Variants in MID1 observed in about 807,000 individuals in gnomAD.
MID1 encodes the protein E3 ubiquitin-protein ligase Midline-1.
In MID1, 7 loss-of-function variants were observed where a neutral mutation model predicts 40.4. The ratio of observed to expected loss-of-function variants is 0.17; its 90% CI spans 0.10 to 0.33. MID1 has a LOEUF of 0.33. Ranked by LOEUF, MID1 falls within the 10% of genes least tolerant of loss-of-function variation. MID1 has a pLI of 1.00. For synonymous variants in MID1, 229 were observed against 221.2 expected (o/e 1.04, Z -0.31); for missense variants, 367 against 558.5 (o/e 0.66, Z 3.46).
intron 9 of MID1, among the ~76,000 whole-genome samples, chrX:10,451,183 C>T (rs1362208256): frequency 8.9e-6 from 1 of 111,834 alleles, no homozygotes; most frequent in Non-Finnish European, 1.9e-5. Context: ...TCTTCCCTCC[C>T]GTCCATCCTC....
intron 1 of MID1, among the ~76,000 whole-genome samples, chrX:10,758,483 C>CGTTTT (rs2043650475): frequency 1.6e-5 from 1 of 63,873 alleles, no homozygotes; most frequent in African/African-American, 7.8e-5. Context: ...CTTTTCTTTC[C>CGTTTT]TTTTTTTTTT....
chrX:10,567,710 G>T lies in MID1; in HGVS notation c.-56-107C>A, dbSNP rs1488306295. ...AATTCCAAACACAGGTCATGAAAGGGTAAGTGTGTGTACATTCCAAATAAT... is the reference window on the plus strand; with the variant it reads ...AATTCCAAACACAGGTCATGAAAGGTTAAGTGTGTGTACATTCCAAATAAT... On this transcript the variant is annotated intron_variant, in intron 1 of 9. Transcript: ENST00000317552. 3.5e-5 allele frequency: 18 copies of T among 515,047 alleles called. No individual in the cohort carries two copies. In the East Asian group the frequency reaches 5.8e-4, roughly 17 times the overall value. The allele number at this position is 515,047 out of a possible 1,213,427, so 42.4% of individuals were successfully genotyped here.
intron 1 of MID1, among the ~76,000 whole-genome samples, chrX:10,827,306 A>G (rs775043308): frequency 1.8e-5 from 2 of 111,329 alleles, no homozygotes; most frequent in Non-Finnish European, 3.8e-5. Context: ...TCTCTTGATC[A>G]TAGTAGTTCT....
chrX:10,510,830 CAAAAAA>C lies in MID1; in HGVS notation c.756+12256_756+12261del, dbSNP rs1185825614. On this transcript the variant is annotated intron_variant, in intron 3 of 9. Transcript: ENST00000317552. The stretch of plus-strand genomic sequence containing the variant: ...CTGGCAACAGAGCAAGACTCTGTCT[CAAAAAA>C]AAAAAAAAAAAAAAAAAAGAAAATG... 3.3e-4 allele frequency among the ~76,000 whole-genome samples: 8 copies of C among 23,945 alleles called. No homozygotes were observed. The East Asian group carries it at 8.7e-3, about 26-fold the overall frequency. 20.8% of individuals were successfully genotyped at this position (23,945 alleles called of 115,157 possible).
At chrX:10,544,448 A>G (rs189312092) in intron 2 of MID1, among the ~76,000 whole-genome samples, 5 of 111,997 alleles carry the variant, frequency 4.5e-5, no homozygotes, top group Admixed American at 1.9e-4. Flanking sequence ...TGAGGAGGGG[A>G]AAAAAAAGCA....
At chrX:10,468,095 G>A (rs1462033174) in intron 7 of MID1, among the ~76,000 whole-genome samples, 1 of 112,063 alleles carries the variant, frequency 8.9e-6, no homozygotes, top group East Asian at 2.8e-4. Flanking sequence ...GACTCAGGCA[G>A]CTTGCCAGAG....
intron 2 of MID1, among the ~76,000 whole-genome samples, chrX:10,566,227 C>T (rs975410714): frequency 9.0e-6 from 1 of 111,633 alleles, no homozygotes; most frequent in African/African-American, 3.3e-5. Context: ...TGTAACCTTA[C>T]TGAATAAAGA....
At chrX:10,514,344 T>G (rs1932298348) in intron 3 of MID1, among the ~76,000 whole-genome samples, 1 of 112,389 alleles carries the variant, frequency 8.9e-6, no homozygotes, top group Admixed American at 9.4e-5. Flanking sequence ...TATTCATTTA[T>G]TCATAAGATT....
intron 1 of MID1, among the ~76,000 whole-genome samples, chrX:10,817,583 T>C (rs1189852475): frequency 9.5e-6 from 1 of 105,258 alleles, no homozygotes; most frequent in Non-Finnish European, 1.9e-5. Context: ...TCTCTTTCTT[T>C]CTTTCTCTCT....
rs183487331 is a variant in MID1, at chrX:10,448,141, T to C, written c.*1227A>G. 1.8e-5 allele frequency: 2 copies of C among 109,540 alleles called. No homozygotes were observed. The highest frequency in any genetic ancestry group is 4.6e-3 in the Middle Eastern group (1 of 216). The allele number at this position is 109,540 out of a possible 1,213,427, so 9.0% of individuals were successfully genotyped here. On this transcript the variant is annotated 3_prime_UTR_variant, in exon 10 of 10. Transcript: ENST00000317552. ...TTTTTTTTTTGGTCTTACAACTCTA[T>C]TGTAAACTATACTAGACTATAGAGG... is the stretch of plus-strand genomic sequence containing the variant.
chrX:10,590,144 C>G lies in MID1; in HGVS notation c.-56-22541G>C, dbSNP rs967656029. ...TCTTTCTATAATCTATAGATAACAT[C>G]AGTTGCTAGGTCAGGGGTGGAATTT... On this transcript the variant is annotated intron_variant, in intron 1 of 9. Coordinates refer to ENST00000317552, the MANE Select transcript of MID1 (RefSeq NM_000381.4). 4.8e-4 allele frequency among the ~76,000 whole-genome samples: 53 copies of G among 111,204 alleles called. 1 individual carries two copies. The highest frequency in any genetic ancestry group is 1.7e-3 in the African/African-American group (52 of 30,550).
At chrX:10,616,681 G>A (rs1006321043) in intron 1 of MID1, among the ~76,000 whole-genome samples, 21 of 112,575 alleles carry the variant, frequency 1.9e-4, no homozygotes, top group Non-Finnish European at 3.4e-4. Flanking sequence ...CTACAGCCAA[G>A]CGAACTAAAA....
At chrX:10,702,274 C>T (rs924363463) in intron 1 of MID1, among the ~76,000 whole-genome samples, 1 of 111,937 alleles carries the variant, frequency 8.9e-6, no homozygotes, top group Non-Finnish European at 1.9e-5. Flanking sequence ...GGCCAACTCT[C>T]TTTGGGCAGC....
intron 2 of MID1, among the ~76,000 whole-genome samples, chrX:10,531,777 A>G (rs1000632463): frequency 1.1e-4 from 12 of 112,034 alleles, no homozygotes; most frequent in South Asian, 3.7e-4. Flanking sequence ...AGCAGATCCA[A>G]TGACGACTAG....
intron 1 of MID1, among the ~76,000 whole-genome samples, chrX:10,571,195 G>A (rs1053565236): frequency 2.7e-5 from 3 of 112,399 alleles, no homozygotes; most frequent in African/African-American, 9.7e-5. Context: ...ATGGTTAATT[G>A]TATTAGGTGA....
chrX:10,700,806 G>A (rs2043189740), intron 1 of MID1, among the ~76,000 whole-genome samples: 1 of 111,966 alleles, frequency 8.9e-6, no homozygotes, highest in African/African-American at 3.2e-5. Context: ...TGATGATGTG[G>A]AGTCTACATG....
chrX:10,529,479 C>A (rs911820209), intron 2 of MID1, among the ~76,000 whole-genome samples: 10 of 112,358 alleles, frequency 8.9e-5, no homozygotes, highest in African/African-American at 3.2e-4. Context: ...TGTGCAATGT[C>A]CTAAATCTCA....
intron 1 of MID1, among the ~76,000 whole-genome samples, chrX:10,658,443 A>G (rs2042890538): frequency 1.1e-5 from 1 of 94,050 alleles, no homozygotes; most frequent in Non-Finnish European, 2.0e-5. Flanking sequence ...AAAAAAAAAA[A>G]AAAAAAAAAA....
At chrX:10,746,389 G>A (rs1469626396) in intron 1 of MID1, among the ~76,000 whole-genome samples, 1 of 112,160 alleles carries the variant, frequency 8.9e-6, no homozygotes, top group Non-Finnish European at 1.9e-5. Flanking sequence ...GGAAATTCCA[G>A]TGGGTTTCTA....
Sources: allele counts gnomAD v4.1 joint callset (sites outside exome capture counted in the v4.1 genomes callset), GRCh38; gene constraint gnomAD v4.1.1; transcripts MANE v1.5; gene names NCBI Gene and HGNC (gene_info 2026-07-23, HGNC 2026-07-21).